ANPEP: variants seen among roughly 807,000 people sequenced by gnomAD.
ANPEP encodes aminopeptidase N.
ANPEP carries 70 observed loss-of-function variants against 114.6 expected under a neutral mutation model. The observed-to-expected ratio is 0.61, with a 90% CI of 0.50 to 0.75. The LOEUF (loss-of-function observed/expected upper bound fraction) is 0.75. Among genes scored for constraint, ANPEP ranks in the 30% least tolerant of loss-of-function variants. The probability of loss-of-function intolerance (pLI) is 0.00; values close to 1 mark genes in which losing one functional copy is unlikely to be tolerated. For missense variants in ANPEP, 1,184 were observed against 1,259.5 expected (o/e 0.94, Z 0.91); for synonymous variants, 548 against 522.3 (o/e 1.05, Z -0.67).
rs1374167446 is a variant in ANPEP, at chr15:89,790,969, T to A, written c.2653A>T (p.Lys885Ter). Residue 885 changes from lysine (K) to a stop codon, truncating the protein, a stop_gained, in exon 19 of 21, where the codon AAG becomes TAG. Coordinates refer to ENST00000300060, the MANE Select transcript of ANPEP (RefSeq NM_001150.3). LOFTEE classifies it high-confidence loss of function. ...LVWDFVQSNW[K>*]KLFNDYGGGS... ...CAGACTCACTCGTTAAAAAGCTTCT[T>A]CCAGTTGCTCTGGACAAAGTCCCAG... 2 of 1,613,998 alleles carry A rather than the reference T, an allele frequency of 1.2e-6. No homozygotes were observed. Among genetic ancestry groups the A allele is most frequent in the African/African-American group, 2.7e-5 (2 of 74,928 alleles).
chr15:89,811,161 G>T (rs542140688), intron 1 of ANPEP, among the ~76,000 whole-genome samples: 7 of 152,306 alleles, frequency 4.6e-5, no homozygotes, highest in Non-Finnish European at 1.0e-4. Context: ...CTCGGGACAG[G>T]TTCCACCCTC....
rs1968654009 is a variant in ANPEP at position 89,792,631 on chromosome 15, A to G, written c.2250-69T>C. On this transcript the variant is annotated intron_variant, in intron 16 of 20. Coordinates refer to ENST00000300060, the MANE Select transcript of ANPEP (RefSeq NM_001150.3). ...AGCCAAGATTCACCTCTTGACACAC[A>G]ACCCCAGGCCGGCACCCTGCCTAAG... The G allele has an allele frequency of 2.2e-6, 3 of 1,391,844 alleles. No individual in the cohort carries two copies. The South Asian group carries it at 3.5e-5, about 16-fold the overall frequency. The allele number at this position is 1,391,844 out of a possible 1,614,324, so 86.2% of individuals were successfully genotyped here. A position where few individuals can be genotyped will look rare whatever the true frequency, so the allele number is the denominator to read the frequency against.
chr15:89,807,641 C>A (rs771056438), intron 1 of ANPEP, among the ~76,000 whole-genome samples: 13 of 152,148 alleles, frequency 8.5e-5, no homozygotes, highest in Non-Finnish European at 1.3e-4. Context: ...GCAGAGATTG[C>A]AGTGAGCTGA....
At position 89,785,008 on chromosome 15, in the gene ANPEP, C is replaced by T. The variant is rs1182099630; in HGVS notation, c.*341G>A. ...GGGAAAGGTGAAAGAGGGTACAGGG[C>T]GGCCCCCAGCAAGGCCGTTCATTGT... On this transcript the variant is annotated 3_prime_UTR_variant, in exon 21 of 21. Coordinates refer to ENST00000300060, the MANE Select transcript of ANPEP (RefSeq NM_001150.3). The T allele has an allele frequency of 1.8e-5, 5 of 272,150 alleles. No individual in the cohort carries two copies. The highest frequency in any genetic ancestry group is 1.6e-4 in the East Asian group (2 of 12,288). 16.9% of individuals were successfully genotyped at this position (272,150 alleles called of 1,614,324 possible). A position where few individuals can be genotyped will look rare whatever the true frequency, so the allele number is the denominator to read the frequency against.
intron 1 of ANPEP, among the ~76,000 whole-genome samples, chr15:89,807,789 C>A (rs1277117895): frequency 1.3e-5 from 2 of 152,130 alleles, no homozygotes; most frequent in South Asian, 2.1e-4. Flanking sequence ...TATTACTTAC[C>A]ATACAAAATA....
chr15:89,786,166 C>G (rs1968503211), intron 20 of ANPEP, among the ~76,000 whole-genome samples: 1 of 152,066 alleles, frequency 6.6e-6, no homozygotes, highest in Non-Finnish European at 1.5e-5. Context: ...ACGATAGCAT[C>G]AACAAGAATA....
At chr15:89,807,459 G>T (rs1894737996) in intron 1 of ANPEP, among the ~76,000 whole-genome samples, 1 of 152,228 alleles carries the variant, frequency 6.6e-6, no homozygotes, top group African/African-American at 2.4e-5. Flanking sequence ...CTAGCACTTT[G>T]GAAGGCCGAG....
Position 89,806,285 on chromosome 15 carries a change from A to T in ANPEP, c.299T>A (p.Leu100Gln). Residue 100 changes from leucine (L) to glutamine (Q), a missense_variant, in exon 2 of 21, where the codon CTG becomes CAG. By Grantham distance (113) the Leu-to-Gln change is moderately radical (BLOSUM62 -2). Transcript: ENST00000300060. The surrounding 1 kb of genome is among the most constrained non-coding windows in gnomAD (Gnocchi z 5.7). Reference sequence around the variant, plus strand: ...GGTGCTGGAGCCCTTAAAAACGTACAGGCCCCTGTCATTGGGGGTGAGGTA... The same window carrying T: ...GGTGCTGGAGCCCTTAAAAACGTACTGGCCCCTGTCATTGGGGGTGAGGTA... ...RPYLTPNDRGLYVFKGSSTVR... is the reference protein window; with the variant it reads ...RPYLTPNDRGQYVFKGSSTVR... 1.2e-6 allele frequency: 2 copies of T among 1,614,102 alleles called. No individual in the cohort carries two copies. Among genetic ancestry groups the T allele is most frequent in the Non-Finnish European group, 1.7e-6 (2 of 1,180,032 alleles).
At chr15:89,804,641 G>T in intron 4 of ANPEP, 24 bp from the exon 5 acceptor site, 2 of 1,608,972 alleles carry the variant, frequency 1.2e-6, no homozygotes, top group South Asian at 2.2e-5. Context: ...GGAAGAAGCA[G>T]ACCAGGGGCT....
chr15:89,805,933 C>T (rs374483871), intron 2 of ANPEP, 37 bp downstream of exon 2: 19 of 1,557,876 alleles, frequency 1.2e-5, no homozygotes, highest in Admixed American at 3.6e-5. Flanking sequence ...CTCAGCACCT[C>T]GGATCCACCC....
At position 89,799,385 on chromosome 15, in the gene ANPEP, T is replaced by TC; in HGVS notation, c.1953+40dup. 6.2e-7 allele frequency: 1 copy of TC among 1,613,990 alleles called. No individual in the cohort carries two copies. On this transcript the variant is annotated intron_variant, in intron 13 of 20. Transcript: ENST00000300060. The surrounding 1 kb of genome is among the most constrained non-coding windows in gnomAD (Gnocchi z 4.2). ...GGCAGGCCTTGCAGTCTGGTGCCTG[T>TC]CCTGGGGCAGGGGGCAGGGCGAGGG... is the stretch of plus-strand genomic sequence containing the variant.
chr15:89,806,316 T>C lies in ANPEP; in HGVS notation c.268A>G (p.Arg90Gly). The C allele has an allele frequency of 6.2e-7, 1 of 1,614,188 alleles. No homozygotes were observed. The highest frequency in any genetic ancestry group is 2.2e-5 in the East Asian group (1 of 44,880). ...LKPDSYRVTL[R>G]PYLTPNDRGL... ...CTGTCATTGGGGGTGAGGTACGGTC[T>C]CAGCGTCACCCGGTAGGAATCGGGT... The change falls in exon 2 of 21, where the codon AGA (arginine) becomes GGA (glycine). Residue 90 changes from arginine (R) to glycine (G), a missense_variant. Transcript: ENST00000300060. The surrounding 1 kb of genome is among the most constrained non-coding windows in gnomAD (Gnocchi z 5.7).
rs1894650789 is a variant in ANPEP at position 89,803,910 on chromosome 15, A to G, written c.1272T>C (p.Tyr424=). 1 of 1,614,138 alleles carries G rather than the reference A, an allele frequency of 6.2e-7. No homozygotes were observed. The highest frequency in any genetic ancestry group is 8.5e-7 in the Non-Finnish European group (1 of 1,180,010). ...ASYVEYLGAD[Y]AEPTWNLKDL... is the part of the protein sequence containing the mutation. ...TTACCAAGTTCCAGGTGGGCTCCGC[A>G]TAGTCAGCACCCAGGTACTCCACGT... The change falls in exon 7 of 21, where the codon TAT becomes TAC. Residue 424 remains tyrosine, a synonymous_variant. Coordinates refer to ENST00000300060, the MANE Select transcript of ANPEP (RefSeq NM_001150.3). The surrounding 1 kb of genome is among the most constrained non-coding windows in gnomAD (Gnocchi z 4.2).
chr15:89,806,697 A>G lies in ANPEP; in HGVS notation c.-114T>C. ...AGCCCCACAACAGGCAGACTGGGCA[A>G]AAATTAACCAGGGCTCCAACAGGCG... On this transcript the variant is annotated 5_prime_UTR_variant, in exon 2 of 21. Transcript: ENST00000300060. The surrounding 1 kb of genome is among the most constrained non-coding windows in gnomAD (Gnocchi z 5.7). The G allele has an allele frequency of 7.0e-7, 1 of 1,432,384 alleles. No homozygotes were observed. The highest frequency in any genetic ancestry group is 9.2e-7 in the Non-Finnish European group (1 of 1,091,546). The allele number at this position is 1,432,384 out of a possible 1,614,324, so 88.7% of individuals were successfully genotyped here. A position where few individuals can be genotyped will look rare whatever the true frequency, so the allele number is the denominator to read the frequency against.
intron 20 of ANPEP, among the ~76,000 whole-genome samples, chr15:89,786,482 A>G (rs903426439): frequency 1.3e-4 from 20 of 151,942 alleles, no homozygotes; most frequent in Non-Finnish European, 2.9e-5. Flanking sequence ...ATTGAAAAAG[A>G]ACACAGTTGG....
At position 89,803,539 on chromosome 15, in the gene ANPEP, C is replaced by T. The variant is rs1194647647; in HGVS notation, c.1438-32G>A. 6.2e-7 allele frequency: 1 copy of T among 1,605,170 alleles called. No individual in the cohort carries two copies. The highest frequency in any genetic ancestry group is 1.1e-5 in the South Asian group (1 of 90,768). ...TGGGGGTGAGGGGGCGCTCAGAAGG[C>T]TGTGCAGAGCCACCAGGACCCTGTG... On this transcript the variant is annotated intron_variant, in intron 8 of 20. Transcript: ENST00000300060. The surrounding 1 kb of genome is among the most constrained non-coding windows in gnomAD (Gnocchi z 4.2).
At chr15:89,792,106 G>A (rs1041289211) in intron 18 of ANPEP, 54 bp downstream of exon 18, 12 of 1,575,428 alleles carry the variant, frequency 7.6e-6, no homozygotes, top group Admixed American at 1.7e-5. Flanking sequence ...AGGCCTGCCT[G>A]GTTCTCCAGG....
chr15:89,804,944 G>A, intron 4 of ANPEP, 134 bp downstream of exon 4: 1 of 1,270,176 alleles, frequency 7.9e-7, no homozygotes, highest in Non-Finnish European at 1.1e-6. Flanking sequence ...CAAGACACTT[G>A]CCTGAAATCA....
chr15:89,794,448 C>A (rs983354221), intron 15 of ANPEP, among the ~76,000 whole-genome samples: 3 of 151,890 alleles, frequency 2.0e-5, no homozygotes, highest in African/African-American at 7.3e-5. Context: ...CGGGCCACTG[C>A]GCTCCAGCCT....
Sources: allele counts gnomAD v4.1 joint callset (sites outside exome capture counted in the v4.1 genomes callset), GRCh38; gene constraint gnomAD v4.1.1; non-coding constraint Gnocchi (gnomAD v3.1); transcripts MANE v1.5; gene names NCBI Gene and HGNC (gene_info 2026-07-23, HGNC 2026-07-21).